The following FCF1 variants were observed in gnomAD, a reference collection of about 807,000 sequenced individuals.
FCF1 encodes rRNA-processing protein FCF1 homolog.
Under a neutral mutation model 32.5 loss-of-function variants are expected in FCF1, and 17 were observed. That is an observed-to-expected ratio of 0.52 (90% CI 0.36 to 0.78). The LOEUF (loss-of-function observed/expected upper bound fraction) is 0.78. Ranked by LOEUF, FCF1 falls within the 30% of genes least tolerant of loss-of-function variation. The pLI is 0.00. For synonymous variants in FCF1, 84 were observed against 78.4 expected (o/e 1.07, Z -0.38); for missense variants, 201 against 241.1 (o/e 0.83, Z 1.10).
rs1030536378 is a variant in FCF1 at position 74,736,269 on chromosome 14, G to A, written c.*1339G>A. The stretch of plus-strand genomic sequence containing the variant: ...ACTAAAAATACAAAAAAAATTAGCT[G>A]GGTATGGTGTCACGTGCCTGTAATC... On this transcript the variant is annotated 3_prime_UTR_variant, in exon 8 of 8. Coordinates refer to ENST00000341162, the MANE Select transcript of FCF1 (RefSeq NM_015962.5). The A allele has an allele frequency of 6.6e-6, 1 of 152,130 alleles. No homozygotes were observed. Among genetic ancestry groups the A allele is most frequent in the Non-Finnish European group, 1.5e-5 (1 of 68,088 alleles). The allele number at this position is 152,130 out of a possible 1,614,324, so 9.4% of individuals were successfully genotyped here.
At chr14:74,726,469 C>CA (rs991674305) in intron 5 of FCF1, among the ~76,000 whole-genome samples, 19 of 149,484 alleles carry the variant, frequency 1.3e-4, no homozygotes, top group African/African-American at 3.4e-4. Flanking sequence ...GACCCTGTCT[C>CA]AAAAAAAAAG....
chr14:74,717,767 T>G (rs2140021073), intron 4 of FCF1, among the ~76,000 whole-genome samples: 1 of 152,342 alleles, frequency 6.6e-6, no homozygotes, highest in Admixed American at 6.5e-5. Context: ...GGCCCTTTGC[T>G]TCCTTGATGA....
chr14:74,714,920 C>T lies in FCF1; in HGVS notation c.120C>T (p.Pro40=). 6.3e-7 allele frequency: 1 copy of T among 1,597,692 alleles called. No individual in the cohort carries two copies. ...LKPKKKEKKD[P]SALKEREVPQ... is the part of the protein sequence containing the mutation. ...CTAAAAAGAAAGAAAAGAAGGATCC[C>T]AGCGCATTAAAGGAAAGAGAAGTGT... The change falls in exon 3 of 8, where the codon CCC becomes CCT. Residue 40 remains proline (P), a synonymous_variant. Transcript: ENST00000341162.
At chr14:74,720,097 G>A (rs542567433) in intron 4 of FCF1, among the ~76,000 whole-genome samples, 92 of 152,118 alleles carry the variant, frequency 6.0e-4, no homozygotes, top group Non-Finnish European at 1.2e-3. Flanking sequence ...AGCCAAGATC[G>A]TGCCATTGCA....
chr14:74,734,030 C>A, intron 6 of FCF1, 46 bp from the exon 7 acceptor site: 1 of 1,272,330 alleles, frequency 7.9e-7, no homozygotes, highest in Non-Finnish European at 1.2e-6. Flanking sequence ...ATTCACTAAG[C>A]GTGCTCAGTG....
At chr14:74,726,616 T>A (rs567371760) in intron 5 of FCF1, among the ~76,000 whole-genome samples, 98 of 151,942 alleles carry the variant, frequency 6.4e-4, no homozygotes, top group Admixed American at 6.6e-4. Flanking sequence ...TTTTTTTTTT[T>A]TTATTATACT....
rs552999717 is a variant in FCF1 at position 74,729,861 on chromosome 14, C to G, written c.366-2870C>G. Among the ~76,000 whole-genome samples, 1,138 of 152,180 alleles carry G rather than the reference C, an allele frequency of 7.5e-3. 11 individuals carry two copies. Among genetic ancestry groups the G allele is most frequent in the African/African-American group, 0.026 (1,077 of 41,512 alleles). ...ATTTCTGCCTTCATTTCGTTATGTACCCAGTAGTCATTCAGGAGCAGGTTG... is the reference window on the plus strand; with the variant it reads ...ATTTCTGCCTTCATTTCGTTATGTAGCCAGTAGTCATTCAGGAGCAGGTTG... On this transcript the variant is annotated intron_variant, in intron 5 of 7. Transcript: ENST00000341162.
chr14:74,716,136 T>A lies in FCF1; in HGVS notation c.292+37T>A, dbSNP rs371879326. 54 of 1,585,630 alleles carry A rather than the reference T, an allele frequency of 3.4e-5. No individual in the cohort carries two copies. In the African/African-American group the frequency reaches 6.9e-4, roughly 20 times the overall value. Reference sequence around the variant, plus strand: ...ACTTTTATGTTTCCGTGACATTTGTTCAGAATAATTATATTTATACAAATA... The same window carrying A: ...ACTTTTATGTTTCCGTGACATTTGTACAGAATAATTATATTTATACAAATA... On this transcript the variant is annotated intron_variant, in intron 4 of 7. Coordinates refer to ENST00000341162, the MANE Select transcript of FCF1 (RefSeq NM_015962.5).
At chr14:74,715,085 A>G (rs915506190) in intron 3 of FCF1, 142 bp downstream of exon 3, 4 of 815,820 alleles carry the variant, frequency 4.9e-6, no homozygotes, top group Non-Finnish European at 7.3e-6. Context: ...ATGAGCATAT[A>G]TCAATTCTAG....
chr14:74,729,465 T>G (rs2090608440), intron 5 of FCF1, among the ~76,000 whole-genome samples: 1 of 152,224 alleles, frequency 6.6e-6, no homozygotes, highest in Non-Finnish European at 1.5e-5. Context: ...TTATCATTTT[T>G]TATTGCGTCT....
intron 5 of FCF1, among the ~76,000 whole-genome samples, chr14:74,730,229 T>TA (rs1349139587): frequency 4.5e-4 from 63 of 139,992 alleles, no homozygotes; most frequent in East Asian, 8.1e-4. Flanking sequence ...TTTTTTTTTT[T>TA]AAAGACAGAT....
At chr14:74,730,082 G>T (rs1332116366) in intron 5 of FCF1, among the ~76,000 whole-genome samples, 1 of 151,996 alleles carries the variant, frequency 6.6e-6, no homozygotes, top group Non-Finnish European at 1.5e-5. Context: ...ATATTCTGTT[G>T]ATTTGGGGTG....
rs573044834 is a variant in FCF1 at position 74,738,459 on chromosome 14, C to G, written c.*3529C>G. On this transcript the variant is annotated 3_prime_UTR_variant, in exon 8 of 8. Transcript: ENST00000341162. ...ATAGATTTCTGTGCAAGACACTCCC[C>G]TCCCCTAAAAAACAAGTGACTGATG... 2 of 152,288 alleles carry G rather than the reference C, an allele frequency of 1.3e-5. No individual in the cohort carries two copies. Among genetic ancestry groups the G allele is most frequent in the Non-Finnish European group, 2.9e-5 (2 of 68,016 alleles). The allele number at this position is 152,288 out of a possible 1,614,324, so 9.4% of individuals were successfully genotyped here.
chr14:74,724,309 G>A (rs2090546888), intron 5 of FCF1, among the ~76,000 whole-genome samples: 1 of 152,098 alleles, frequency 6.6e-6, no homozygotes. Context: ...TTTGAAGCAA[G>A]GTGTTGCTCT....
chr14:74,730,997 C>T (rs1051336403), intron 5 of FCF1, among the ~76,000 whole-genome samples: 5 of 150,138 alleles, frequency 3.3e-5, no homozygotes, highest in Non-Finnish European at 7.4e-5. Context: ...GACCCCATCT[C>T]CAAAAAAAAA....
chr14:74,714,929 A>T lies in FCF1; in HGVS notation c.129A>T (p.Leu43Phe). ...KKKEKKDPSALKEREVPQHPS... is the reference protein window; with the variant it reads ...KKKEKKDPSAFKEREVPQHPS... The stretch of plus-strand genomic sequence containing the variant: ...AAGAAAAGAAGGATCCCAGCGCATT[A>T]AAGGAAAGAGAAGTGTGAGTAATCA... Residue 43 changes from leucine (L) to phenylalanine (F), a missense_variant, in exon 3 of 8, where the codon TTA (leucine) becomes TTT (phenylalanine). Physicochemically the swap from Leu to Phe is conservative, Grantham distance 22 (BLOSUM62 0). Transcript: ENST00000341162. 6.3e-7 allele frequency: 1 copy of T among 1,597,864 alleles called. No individual in the cohort carries two copies. Among genetic ancestry groups the T allele is most frequent in the South Asian group, 1.1e-5 (1 of 87,160 alleles).
At chr14:74,723,735 G>A (rs943898332) in intron 5 of FCF1, among the ~76,000 whole-genome samples, 2 of 151,646 alleles carry the variant, frequency 1.3e-5, no homozygotes, top group Non-Finnish European at 2.9e-5. Context: ...GGCTTAAGCA[G>A]GAGAATCGCT....
At chr14:74,715,038 T>G in intron 3 of FCF1, 95 bp downstream of exon 3, 1 of 1,240,586 alleles carries the variant, frequency 8.1e-7, no homozygotes, top group South Asian at 1.5e-5. Context: ...TATTTGTTAG[T>G]AAGTCTAGCA....
chr14:74,725,504 A>C (rs923426969), intron 5 of FCF1, among the ~76,000 whole-genome samples: 22 of 150,772 alleles, frequency 1.5e-4, no homozygotes, highest in Admixed American at 7.3e-4. Context: ...AAAAAAAAAA[A>C]AAAAACTGGG....
Sources: allele counts gnomAD v4.1 joint callset (sites outside exome capture counted in the v4.1 genomes callset), GRCh38; gene constraint gnomAD v4.1.1; transcripts MANE v1.5; gene names NCBI Gene and HGNC (gene_info 2026-07-23, HGNC 2026-07-21).